ADGRB3: variants seen among roughly 807,000 people sequenced by gnomAD.
ADGRB3 encodes adhesion G protein-coupled receptor B3, also known as brain-specific angiogenesis inhibitor 3.
ADGRB3 carries 37 observed loss-of-function variants against 193.4 expected under a neutral mutation model. The ratio of observed to expected loss-of-function variants is 0.19; its 90% CI spans 0.15 to 0.25. The LOEUF (loss-of-function observed/expected upper bound fraction) is 0.25. Among genes scored for constraint, ADGRB3 ranks in the 10% least tolerant of loss-of-function variants. The pLI is 1.00. For missense variants in ADGRB3, 1,637 were observed against 1,852.9 expected, an observed-to-expected ratio of 0.88 and a Z score of 2.14; for synonymous variants, 690 against 644.2, an observed-to-expected ratio of 1.07 and a Z score of -1.08.
At position 68,993,865 on chromosome 6, in the gene ADGRB3, T is replaced by A; in HGVS notation, c.1832T>A (p.Phe611Tyr). 3 of 1,613,988 alleles carry A rather than the reference T, an allele frequency of 1.9e-6. No homozygotes were observed. The highest frequency in any genetic ancestry group is 2.5e-6 in the Non-Finnish European group (3 of 1,179,896). Residue 611 changes from phenylalanine to tyrosine, a missense_variant, in exon 11 of 32, where the codon TTC (phenylalanine) becomes TAC (tyrosine). By Grantham distance (22) the Phe-to-Tyr change is conservative. Coordinates refer to ENST00000370598, the MANE Select transcript of ADGRB3 (RefSeq NM_001704.3). The stretch of plus-strand genomic sequence containing the variant: ...TTGGATTTAACTCAGAGAAAAAATT[T>A]CTATGCAGGCGATCTTCTGATGTCT... Reference protein sequence around the residue: ...TLLDLTQRKNFYAGDLLMSVE... With the variant: ...TLLDLTQRKNYYAGDLLMSVE...
intron 17 of ADGRB3, among the ~76,000 whole-genome samples, chr6:69,224,128 T>C (rs544315175): frequency 6.6e-6 from 1 of 152,280 alleles, no homozygotes; most frequent in East Asian, 1.9e-4. Flanking sequence ...TTCATGTTTT[T>C]TCATGTGTAT....
At chr6:68,775,773 T>TC (rs1396044568) in intron 3 of ADGRB3, among the ~76,000 whole-genome samples, 1 of 152,112 alleles carries the variant, frequency 6.6e-6, no homozygotes, top group African/African-American at 2.4e-5. Flanking sequence ...ATGAGAAATT[T>TC]CCCCTCTTCT....
At chr6:68,908,337 A>G (rs1394412169) in intron 3 of ADGRB3, among the ~76,000 whole-genome samples, 1 of 152,086 alleles carries the variant, frequency 6.6e-6, no homozygotes, top group African/African-American at 2.4e-5. Context: ...CTCCAAATCT[A>G]GTAACCTTCT....
chr6:69,006,097 ATTAC>A (rs893864354), intron 11 of ADGRB3, among the ~76,000 whole-genome samples: 9 of 150,762 alleles, frequency 6.0e-5, no homozygotes, highest in Non-Finnish European at 1.2e-4. Flanking sequence ...CTCTTTAGAG[ATTAC>A]TTACTATTTT....
At chr6:68,654,866 A>G (rs1768455310) in intron 3 of ADGRB3, among the ~76,000 whole-genome samples, 1 of 151,876 alleles carries the variant, frequency 6.6e-6, no homozygotes, top group Non-Finnish European at 1.5e-5. Flanking sequence ...TTTGTAATCA[A>G]TACATTCAGA....
chr6:69,025,535 T>C (rs1770407734), intron 13 of ADGRB3, among the ~76,000 whole-genome samples: 2 of 151,966 alleles, frequency 1.3e-5, no homozygotes. Context: ...TTTTTTTTTT[T>C]TTTTGGTATG....
intron 11 of ADGRB3, among the ~76,000 whole-genome samples, chr6:69,004,604 C>T (rs1205282469): frequency 7.0e-6 from 1 of 143,884 alleles, no homozygotes; most frequent in Non-Finnish European, 1.5e-5. Context: ...TGATGTTCCC[C>T]ACCCTGTGTC....
chr6:69,191,594 T>A (rs1241616010), intron 17 of ADGRB3, among the ~76,000 whole-genome samples: 1 of 152,170 alleles, frequency 6.6e-6, no homozygotes, highest in African/African-American at 2.4e-5. Flanking sequence ...TATTATGGAA[T>A]ATAAATCTAA....
intron 3 of ADGRB3, among the ~76,000 whole-genome samples, chr6:68,828,619 A>G (rs1283525071): frequency 6.7e-6 from 1 of 149,648 alleles, no homozygotes; most frequent in Non-Finnish European, 1.5e-5. Flanking sequence ...AACTCCATGT[A>G]CATACAAATA....
chr6:69,104,524 A>T (rs1773156376), intron 17 of ADGRB3, among the ~76,000 whole-genome samples: 1 of 151,874 alleles, frequency 6.6e-6, no homozygotes, highest in Non-Finnish European at 1.5e-5. Context: ...TGCTTGTGAA[A>T]TTTTAGTTTA....
intron 3 of ADGRB3, among the ~76,000 whole-genome samples, chr6:68,679,348 C>A (rs1270819932): frequency 6.6e-6 from 1 of 152,090 alleles, no homozygotes; most frequent in East Asian, 1.9e-4. Context: ...CCTTGTGGAT[C>A]TGCACCCTTA....
chr6:69,209,539 A>G (rs1765609709), intron 17 of ADGRB3, among the ~76,000 whole-genome samples: 1 of 152,228 alleles, frequency 6.6e-6, no homozygotes, highest in African/African-American at 2.4e-5. Context: ...TAATGTCATC[A>G]ATGTAATGGA....
chr6:69,021,294 T>G (rs1317431278), intron 13 of ADGRB3, among the ~76,000 whole-genome samples: 1 of 151,936 alleles, frequency 6.6e-6, no homozygotes, highest in Non-Finnish European at 1.5e-5. Flanking sequence ...AAAGTCTATA[T>G]GTATAGCTGC....
At chr6:69,191,692 C>A (rs867527373) in intron 17 of ADGRB3, among the ~76,000 whole-genome samples, 3 of 152,212 alleles carry the variant, frequency 2.0e-5, no homozygotes, top group Middle Eastern at 3.4e-3. Context: ...TTGTTGAGTG[C>A]GTGCTATATG....
chr6:69,384,465 A>G (rs1770018767), intron 31 of ADGRB3, among the ~76,000 whole-genome samples: 1 of 152,096 alleles, frequency 6.6e-6, no homozygotes, highest in Non-Finnish European at 1.5e-5. Context: ...GAAATAATTG[A>G]AGAAACTTCA....
intron 20 of ADGRB3, among the ~76,000 whole-genome samples, chr6:69,286,587 A>C (rs1767557420): frequency 6.6e-6 from 1 of 152,294 alleles, no homozygotes; most frequent in Middle Eastern, 3.4e-3. Flanking sequence ...AGGCCTGCCA[A>C]AAAATGACTC....
intron 20 of ADGRB3, among the ~76,000 whole-genome samples, chr6:69,311,305 C>T (rs1768186755): frequency 2.0e-5 from 3 of 151,570 alleles, no homozygotes; most frequent in Admixed American, 2.0e-4. Context: ...AAGAGAAAAC[C>T]CCAAACAGAA....
At chr6:69,056,284 C>T (rs1771544606) in intron 15 of ADGRB3, among the ~76,000 whole-genome samples, 1 of 152,008 alleles carries the variant, frequency 6.6e-6, no homozygotes, top group South Asian at 2.1e-4. Flanking sequence ...AATGTCTATT[C>T]AAGTCTTTTG....
At chr6:69,295,413 C>A (rs1767792180) in intron 20 of ADGRB3, among the ~76,000 whole-genome samples, 1 of 151,986 alleles carries the variant, frequency 6.6e-6, no homozygotes, top group African/African-American at 2.4e-5. Context: ...CCTACCATTT[C>A]CATATTAAAT....
Sources: allele counts gnomAD v4.1 joint callset (sites outside exome capture counted in the v4.1 genomes callset), GRCh38; gene constraint gnomAD v4.1.1; transcripts MANE v1.5; gene names NCBI Gene and HGNC (gene_info 2026-07-23, HGNC 2026-07-21).